Variants in YIPF4 observed in about 807,000 individuals in gnomAD.
YIPF4 encodes the protein Yip1 domain family member 4, also known as protein YIPF4.
In YIPF4, 18 loss-of-function variants were observed where a neutral mutation model predicts 29.4. The ratio of observed to expected loss-of-function variants is 0.61; its 90% CI spans 0.42 to 0.91. YIPF4 has a LOEUF of 0.91. Ranked by LOEUF, YIPF4 falls within the 40% of genes least tolerant of loss-of-function variation. The pLI is 0.00. For missense variants in YIPF4, 279 were observed against 282.7 expected, an observed-to-expected ratio of 0.99 and a Z score of 0.09; for synonymous variants, 115 against 104.7, an observed-to-expected ratio of 1.10 and a Z score of -0.60.
At position 32,292,223 on chromosome 2, in the gene YIPF4, T is replaced by C; in HGVS notation, c.280T>C (p.Cys94Arg). 6.3e-7 allele frequency: 1 copy of C among 1,593,202 alleles called. No individual in the cohort carries two copies. Among genetic ancestry groups the C allele is most frequent in the Non-Finnish European group, 8.5e-7 (1 of 1,170,674 alleles). ...DLKDIYYKIR[C>R]VLMPMPSLGF... ...AAAGGATATTTACTACAAAATCCGA[T>C]GTGTTTTGATGCCAATGCCATCACT... Residue 94 changes from cysteine to arginine, a missense_variant, in exon 3 of 6, where the codon TGT (cysteine) becomes CGT (arginine). Transcript: ENST00000238831.
chr2:32,299,097 C>A (rs987150824), intron 4 of YIPF4, among the ~76,000 whole-genome samples: 5 of 152,160 alleles, frequency 3.3e-5, no homozygotes, highest in African/African-American at 9.6e-5. Context: ...AAGCTGGTCT[C>A]AAACTCCCGA....
In YIPF4 at chr2:32,314,336, A is replaced by G. The variant is rs1205970666; in HGVS notation, c.*8710A>G. On this transcript the variant is annotated 3_prime_UTR_variant, in exon 6 of 6. Transcript: ENST00000238831. ...TCAAACACAGGCAAAATTAAGCTAT[A>G]GTGTTTAGGGATGCATACTGAAATG... is the stretch of plus-strand genomic sequence containing the variant. 1.3e-5 allele frequency: 2 copies of G among 152,360 alleles called. No homozygotes were observed. The highest frequency in any genetic ancestry group is 3.9e-4 in the East Asian group (2 of 5,188). 9.4% of individuals were successfully genotyped at this position (152,360 alleles called of 1,614,324 possible).
chr2:32,306,072 T>C lies in YIPF4; in HGVS notation c.*446T>C, dbSNP rs1178799441. The C allele has an allele frequency of 3.7e-6, 3 of 809,074 alleles. No homozygotes were observed. The highest frequency in any genetic ancestry group is 6.3e-5 in the Admixed American group (1 of 15,992). 50.1% of individuals were successfully genotyped at this position (809,074 alleles called of 1,614,324 possible). ...ATTTATATTTATACATATATATTTA[T>C]GAAATAATTCTTACTCACAAAATAT... On this transcript the variant is annotated 3_prime_UTR_variant, in exon 6 of 6. Transcript: ENST00000238831.
At chr2:32,292,412 A>T (rs2030957265) in intron 3 of YIPF4, 64 bp downstream of exon 3, 1 of 1,228,372 alleles carries the variant, frequency 8.1e-7, no homozygotes, top group Non-Finnish European at 1.1e-6. Flanking sequence ...TAAATATAAT[A>T]AGATATTAAC....
intron 3 of YIPF4, among the ~76,000 whole-genome samples, chr2:32,293,853 C>A (rs2031034157): frequency 1.4e-5 from 2 of 147,982 alleles, no homozygotes; most frequent in East Asian, 2.0e-4. Context: ...CTGACCCCCC[C>A]ACCTCCCTCC....
intron 4 of YIPF4, among the ~76,000 whole-genome samples, chr2:32,298,779 G>A (rs2031288277): frequency 6.6e-6 from 1 of 151,892 alleles, no homozygotes; most frequent in Non-Finnish European, 1.5e-5. Flanking sequence ...GGCTGGTCTT[G>A]AACTCCCAAC....
intron 1 of YIPF4, among the ~76,000 whole-genome samples, chr2:32,282,543 C>A (rs1394735843): frequency 1.3e-5 from 2 of 152,156 alleles, no homozygotes; most frequent in Admixed American, 1.3e-4. Flanking sequence ...AGCGATTCTT[C>A]TGCCTCAGCC....
At chr2:32,294,427 CG>C (rs1181050733) in intron 3 of YIPF4, among the ~76,000 whole-genome samples, 1 of 150,982 alleles carries the variant, frequency 6.6e-6, no homozygotes, top group Non-Finnish European at 1.5e-5. Context: ...ACATCCCAGA[CG>C]GGGCGGCGGG....
chr2:32,303,086 C>G (rs1423556995), intron 5 of YIPF4, among the ~76,000 whole-genome samples: 1 of 152,176 alleles, frequency 6.6e-6, no homozygotes, highest in Non-Finnish European at 1.5e-5. Context: ...TAATGCTGAT[C>G]AGGCATGGTG....
In YIPF4 at chr2:32,301,362, G is replaced by C. The variant is rs2031398146; in HGVS notation, c.484-20G>C. The C allele has an allele frequency of 6.7e-7, 1 of 1,493,174 alleles. No individual in the cohort carries two copies. Among genetic ancestry groups the C allele is most frequent in the East Asian group, 2.3e-5 (1 of 44,202 alleles). 92.5% of individuals were successfully genotyped at this position (1,493,174 alleles called of 1,614,324 possible). ...ATCTTGATTTCAATGATATTTATTT[G>C]AAATTTTCAAAATTCACAGGTTGCA... On this transcript the variant is annotated intron_variant, in intron 4 of 5. Transcript: ENST00000238831.
chr2:32,301,454 T>G lies in YIPF4; in HGVS notation c.556T>G (p.Leu186Val), dbSNP rs201787613. 6.2e-7 allele frequency: 1 copy of G among 1,613,670 alleles called. No homozygotes were observed. The highest frequency in any genetic ancestry group is 1.3e-5 in the African/African-American group (1 of 75,026). ...LPLIVIAPVL[L>V]VVGSFEVVST... ...TCTCATTGTAATAGCCCCTGTACTT[T>G]TGGTGGTTGGATCATTTGAAGTGGT... Residue 186 changes from leucine to valine, a missense_variant, in exon 5 of 6, where the codon TTG (leucine) becomes GTG (valine). Physicochemically the swap from Leu to Val is conservative, Grantham distance 32 (BLOSUM62 1). Coordinates refer to ENST00000238831, the MANE Select transcript of YIPF4 (RefSeq NM_032312.4).
intron 4 of YIPF4, among the ~76,000 whole-genome samples, chr2:32,299,214 G>T (rs930173364): frequency 2.0e-5 from 3 of 152,048 alleles, no homozygotes; most frequent in Non-Finnish European, 2.9e-5. Flanking sequence ...TTGATCTCAG[G>T]TTGCCAAAGA....
At chr2:32,291,955 T>G (rs762974250) in intron 2 of YIPF4, among the ~76,000 whole-genome samples, 6 of 152,320 alleles carry the variant, frequency 3.9e-5, no homozygotes, top group Admixed American at 1.3e-4. Flanking sequence ...AGGCTGACGA[T>G]TGTAAGACTC....
intron 1 of YIPF4, among the ~76,000 whole-genome samples, chr2:32,284,695 C>T (rs2030580086): frequency 6.6e-6 from 1 of 152,078 alleles, no homozygotes; most frequent in South Asian, 2.1e-4. Flanking sequence ...TAGAGCAATG[C>T]AAGAATGGAC....
In YIPF4 at chr2:32,315,739, CA is replaced by C. The variant is rs980684938; in HGVS notation, c.*10124del. Reference sequence around the variant, plus strand: ...TGGGTGACAAGGCAAGACTCCGTCTCAAAAAAAAAAAGAAAAATATAAAGCT... The same window carrying C: ...TGGGTGACAAGGCAAGACTCCGTCTCAAAAAAAAAAGAAAAATATAAAGCT... On this transcript the variant is annotated 3_prime_UTR_variant, in exon 6 of 6. Transcript: ENST00000238831. 3.3e-4 allele frequency: 46 copies of C among 137,408 alleles called. No homozygotes were observed. The highest frequency in any genetic ancestry group is 3.2e-4 in the Non-Finnish European group (20 of 63,402). 8.5% of individuals were successfully genotyped at this position (137,408 alleles called of 1,614,324 possible). A position where few individuals can be genotyped will look rare whatever the true frequency, so the allele number is the denominator to read the frequency against.
At chr2:32,293,903 CA>C (rs1275005662) in intron 3 of YIPF4, among the ~76,000 whole-genome samples, 4 of 143,554 alleles carry the variant, frequency 2.8e-5, no homozygotes, top group African/African-American at 1.1e-4. Flanking sequence ...TGACCCCCCC[CA>C]CCTCCCTCCC....
chr2:32,301,008 A>G (rs1308070432), intron 4 of YIPF4, among the ~76,000 whole-genome samples: 2 of 152,138 alleles, frequency 1.3e-5, no homozygotes, highest in African/African-American at 4.8e-5. Flanking sequence ...GGTTCTCTAG[A>G]CCTTGGATTT....
chr2:32,293,605 G>C (rs2031017370), intron 3 of YIPF4, among the ~76,000 whole-genome samples: 2 of 152,166 alleles, frequency 1.3e-5, no homozygotes, highest in Admixed American at 1.3e-4. Flanking sequence ...GAGCTGTTGG[G>C]TACACCTCCC....
Position 32,311,196 on chromosome 2 carries a change from C to T in YIPF4, c.*5570C>T, listed in dbSNP as rs1221533362. ...AAAATACATTCTGAAGAAAGTTCTA[C>T]TTATGAATACATTTTATTTATAACA... On this transcript the variant is annotated 3_prime_UTR_variant, in exon 6 of 6. Transcript: ENST00000238831. 1 of 152,118 alleles carries T rather than the reference C, an allele frequency of 6.6e-6. No individual in the cohort carries two copies. The highest frequency in any genetic ancestry group is 1.5e-5 in the Non-Finnish European group (1 of 68,014). 9.4% of individuals were successfully genotyped at this position (152,118 alleles called of 1,614,324 possible). A position where few individuals can be genotyped will look rare whatever the true frequency, so the allele number is the denominator to read the frequency against.
Sources: allele counts gnomAD v4.1 joint callset (sites outside exome capture counted in the v4.1 genomes callset), GRCh38; gene constraint gnomAD v4.1.1; transcripts MANE v1.5; gene names NCBI Gene and HGNC (gene_info 2026-07-23, HGNC 2026-07-21).